The following PDE11A variants were observed in gnomAD, a reference collection of about 807,000 sequenced individuals.
The protein encoded by PDE11A is dual 3',5'-cyclic-AMP and -GMP phosphodiesterase 11A.
A neutral mutation model predicts 100.5 loss-of-function variants in PDE11A; 100 were observed. That is an observed-to-expected ratio of 1.00 (90% CI 0.85 to 1.18). The LOEUF is 1.18. Ranked by LOEUF, PDE11A falls within the 50% of genes most tolerant of loss-of-function variation. The probability of loss-of-function intolerance (pLI) is 0.00; values close to 1 mark genes in which losing one functional copy is unlikely to be tolerated. For missense variants in PDE11A, 1,141 were observed against 1,152.6 expected (o/e 0.99, Z 0.15); for synonymous variants, 381 against 420.8 (o/e 0.91, Z 1.16).
At chr2:177,832,920 A>C (rs1164603749) in intron 6 of PDE11A, among the ~76,000 whole-genome samples, 1 of 152,202 alleles carries the variant, frequency 6.6e-6, no homozygotes, top group African/African-American at 2.4e-5. Context: ...TAAAATTCCA[A>C]GTCAAAGATC....
At chr2:177,915,717 A>G (rs564399042) in intron 2 of PDE11A, among the ~76,000 whole-genome samples, 1 of 152,354 alleles carries the variant, frequency 6.6e-6, no homozygotes, top group South Asian at 2.1e-4. Context: ...ATATCCAGGA[A>G]TGCAATTGCT....
At chr2:177,636,565 G>T (rs892500992) in intron 19 of PDE11A, among the ~76,000 whole-genome samples, 4 of 152,054 alleles carry the variant, frequency 2.6e-5, no homozygotes, top group Non-Finnish European at 1.5e-5. Context: ...TTTATGAAAT[G>T]GTTACTATTA....
chr2:177,880,375 A>G lies in PDE11A; in HGVS notation c.1303-4452T>C, dbSNP rs181291538. The stretch of plus-strand genomic sequence containing the variant: ...ACCCTATTTTTGTGATCAAGCCCCA[A>G]TAAAGACTCTAGACACTAAGGCTCA... On this transcript the variant is annotated intron_variant, in intron 4 of 19. Coordinates refer to ENST00000286063, the MANE Select transcript of PDE11A (RefSeq NM_016953.4). Among the ~76,000 whole-genome samples the G allele has an allele frequency of 1.1e-3, 166 of 152,288 alleles. 1 individual carries two copies. Among genetic ancestry groups the G allele is most frequent in the South Asian group, 3.1e-3 (15 of 4,820 alleles).
At position 177,628,287 on chromosome 2, in the gene PDE11A, C is replaced by T. The variant is rs1487306061; in HGVS notation, c.*1120G>A. The T allele has an allele frequency of 6.6e-6, 1 of 152,650 alleles. No individual in the cohort carries two copies. The highest frequency in any genetic ancestry group is 1.5e-5 in the Non-Finnish European group (1 of 68,048). 9.5% of individuals were successfully genotyped at this position (152,650 alleles called of 1,614,324 possible). Reference sequence around the variant, plus strand: ...TTCTAGCCCAATGTTCTTTGGATAACACATACCATGTCCACAATTTCTCAA... The same window carrying T: ...TTCTAGCCCAATGTTCTTTGGATAATACATACCATGTCCACAATTTCTCAA... On this transcript the variant is annotated 3_prime_UTR_variant, in exon 20 of 20. Transcript: ENST00000286063.
At chr2:177,842,681 T>C (rs1256600616) in intron 5 of PDE11A, among the ~76,000 whole-genome samples, 7 of 152,164 alleles carry the variant, frequency 4.6e-5, no homozygotes. Context: ...ACAGAAGTCA[T>C]GCAGGTGGGA....
At chr2:178,105,762 TG>T in intron 1 of PDE11A, 2 of 1,082,020 alleles carry the variant, frequency 1.8e-6, no homozygotes, top group Non-Finnish European at 2.4e-6. Flanking sequence ...TCTGAGCCCC[TG>T]GGCCAGATCA....
At chr2:177,882,155 C>A (rs555763543) in intron 4 of PDE11A, among the ~76,000 whole-genome samples, 1 of 152,330 alleles carries the variant, frequency 6.6e-6, no homozygotes, top group Admixed American at 6.5e-5. Flanking sequence ...ATAGTGCCCA[C>A]TTTCACGCTC....
intron 2 of PDE11A, among the ~76,000 whole-genome samples, chr2:177,967,947 A>C (rs946834098): frequency 6.6e-6 from 1 of 152,212 alleles, no homozygotes; most frequent in Non-Finnish European, 1.5e-5. Context: ...ATGAATACCT[A>C]TTTCATGAAT....
chr2:177,925,988 CA>C (rs1205444738), intron 2 of PDE11A, among the ~76,000 whole-genome samples: 2 of 152,156 alleles, frequency 1.3e-5, no homozygotes, highest in Non-Finnish European at 2.9e-5. Flanking sequence ...CACAGTCACC[CA>C]AATCTCCTTC....
intron 15 of PDE11A, among the ~76,000 whole-genome samples, chr2:177,690,222 C>T (rs2081022910): frequency 6.6e-6 from 1 of 152,120 alleles, no homozygotes; most frequent in Non-Finnish European, 1.5e-5. Context: ...GGGCTGCTGA[C>T]CTAATGTTAT....
At chr2:177,878,193 T>A (rs1034551616) in intron 4 of PDE11A, among the ~76,000 whole-genome samples, 3 of 152,308 alleles carry the variant, frequency 2.0e-5, no homozygotes, top group Admixed American at 6.5e-5. Flanking sequence ...TATTGTAATA[T>A]GAATTAAGCC....
intron 2 of PDE11A, among the ~76,000 whole-genome samples, chr2:177,999,966 C>T (rs2086123840): frequency 6.6e-6 from 1 of 152,172 alleles, no homozygotes; most frequent in African/African-American, 2.4e-5. Flanking sequence ...CCTTGGGGCA[C>T]CTTGCTGCCT....
intron 2 of PDE11A, among the ~76,000 whole-genome samples, chr2:177,949,349 G>A (rs1227873737): frequency 6.6e-6 from 1 of 152,156 alleles, no homozygotes; most frequent in Non-Finnish European, 1.5e-5. Context: ...AAAGCATGAA[G>A]AAGAAAGTTA....
intron 4 of PDE11A, among the ~76,000 whole-genome samples, chr2:177,892,586 T>C (rs1208461432): frequency 6.6e-6 from 1 of 152,228 alleles, no homozygotes; most frequent in African/African-American, 2.4e-5. Context: ...CTTCAGGTTT[T>C]CTCAGTCATT....
At chr2:178,105,732 AC>A in intron 1 of PDE11A, 1 of 1,110,058 alleles carries the variant, frequency 9.0e-7, no homozygotes, top group Non-Finnish European at 1.2e-6. Context: ...GCAGCCTGGC[AC>A]CCAATATCAC....
At chr2:177,895,865 A>G (rs1335377430) in intron 4 of PDE11A, among the ~76,000 whole-genome samples, 2 of 152,038 alleles carry the variant, frequency 1.3e-5, no homozygotes, top group African/African-American at 4.8e-5. Context: ...ATTATCCCAC[A>G]ATATATACAT....
intron 2 of PDE11A, among the ~76,000 whole-genome samples, chr2:177,961,757 G>A (rs1445564792): frequency 6.6e-6 from 1 of 152,006 alleles, no homozygotes; most frequent in African/African-American, 2.4e-5. Flanking sequence ...GAAGATAATT[G>A]TAAAATATAA....
Position 177,663,917 on chromosome 2 carries a change from C to A in PDE11A, c.2595G>T (p.Leu865=). 6.2e-7 allele frequency: 1 copy of A among 1,612,494 alleles called. No individual in the cohort carries two copies. The highest frequency in any genetic ancestry group is 1.1e-5 in the South Asian group (1 of 91,038). Residue 865 remains leucine, a synonymous_variant, in exon 19 of 20, where the codon CTG becomes CTT. Transcript: ENST00000286063. ...AIFDRNRKDE[L]PRLQLEWIDS... ...CAATCCACTCCAGTTGCAACCGAGG[C>A]AGTTCATCCTTCCGGTTCCGATCAA...
At chr2:178,007,604 A>C (rs867857757) in intron 2 of PDE11A, among the ~76,000 whole-genome samples, 4 of 152,218 alleles carry the variant, frequency 2.6e-5, no homozygotes, top group African/African-American at 9.6e-5. Context: ...CCAGGACTGA[A>C]GTCTTAATGA....
Sources: allele counts gnomAD v4.1 joint callset (sites outside exome capture counted in the v4.1 genomes callset), GRCh38; gene constraint gnomAD v4.1.1; transcripts MANE v1.5; gene names NCBI Gene and HGNC (gene_info 2026-07-23, HGNC 2026-07-21).